Variants in SMYD1 observed in about 807,000 individuals in gnomAD.
SMYD1 encodes histone-lysine N-methyltransferase SMYD1.
A neutral mutation model predicts 54.0 loss-of-function variants in SMYD1; 49 were observed. The ratio of observed to expected loss-of-function variants is 0.91; its 90% CI spans 0.72 to 1.15. The LOEUF is 1.15. Among genes scored for constraint, SMYD1 ranks in the 50% most tolerant of loss-of-function variants. SMYD1 has a pLI of 0.00. For synonymous variants in SMYD1, 269 were observed against 234.2 expected (o/e 1.15, Z -1.36); for missense variants, 653 against 639.6 (o/e 1.02, Z -0.23).
In SMYD1 at chr2:88,110,488, A is replaced by G; in HGVS notation, c.1449A>G (p.Pro483=). The change falls in exon 10 of 10, where the codon CCA becomes CCG. Residue 483 remains proline, a synonymous_variant. Coordinates refer to ENST00000419482, the MANE Select transcript of SMYD1 (RefSeq NM_198274.4). Reference sequence around the variant, plus strand: ...CCGAGCCCAGCAATGAGCCATCCCCAGCTCTGTTCCACAAGAAGCAATGAG... The same window carrying G: ...CCGAGCCCAGCAATGAGCCATCCCCGGCTCTGTTCCACAAGAAGCAATGAG... ...VMAEPSNEPS[P]ALFHKKQ is the part of the protein sequence containing the mutation. 1 of 1,592,628 alleles carries G rather than the reference A, an allele frequency of 6.3e-7. No individual in the cohort carries two copies. Among genetic ancestry groups the G allele is most frequent in the Non-Finnish European group, 8.6e-7 (1 of 1,168,908 alleles).
At chr2:88,082,541 C>G (rs1482705307) in intron 1 of SMYD1, 1 of 154,396 alleles carries the variant, frequency 6.5e-6, no homozygotes, top group African/African-American at 2.4e-5. Flanking sequence ...AGGGATCAGG[C>G]TCAAGGGTCA....
At chr2:88,094,799 G>A (rs12614973) in intron 5 of SMYD1, among the ~76,000 whole-genome samples, 53,615 of 151,874 alleles carry the variant, frequency 0.35, 9,581 homozygotes, top group Middle Eastern at 0.46. Flanking sequence ...CACTATGGTG[G>A]GCTGCCTCTG....
chr2:88,084,495 G>T lies in SMYD1; in HGVS notation c.314+3G>T. On this transcript the variant is annotated splice_donor_region_variant and intron_variant, in intron 2 of 9. Coordinates refer to ENST00000419482, the MANE Select transcript of SMYD1 (RefSeq NM_198274.4). ...AAGGTGCCCAATGAGAACATCAGGT[G>T]AGAGCTGGGCACCCTGGTGGTGCTT... 1 of 1,575,546 alleles carries T rather than the reference G, an allele frequency of 6.3e-7. No homozygotes were observed. The highest frequency in any genetic ancestry group is 1.1e-5 in the South Asian group (1 of 88,966).
intron 1 of SMYD1, among the ~76,000 whole-genome samples, chr2:88,070,956 A>C (rs920284727): frequency 4.0e-5 from 6 of 151,630 alleles, no homozygotes; most frequent in South Asian, 4.1e-4. Flanking sequence ...AAAAAAAAAA[A>C]AAAAAAAAAA....
In SMYD1 at chr2:88,111,882, C is replaced by T. The variant is rs1675031984; in HGVS notation, c.*1370C>T. 1.7e-6 allele frequency: 1 copy of T among 589,684 alleles called. No individual in the cohort carries two copies. Among genetic ancestry groups the T allele is most frequent in the East Asian group, 2.9e-5 (1 of 35,074 alleles). 36.5% of individuals were successfully genotyped at this position (589,684 alleles called of 1,614,324 possible). A position where few individuals can be genotyped will look rare whatever the true frequency, so the allele number is the denominator to read the frequency against. ...TACACAACCCAGGACTACCATTGAC[C>T]TCAGAGCTGTACCCCACATCTTGAA... On this transcript the variant is annotated 3_prime_UTR_variant, in exon 10 of 10. Transcript: ENST00000419482.
At chr2:88,103,753 C>T (rs2104011730) in intron 7 of SMYD1, among the ~76,000 whole-genome samples, 1 of 152,212 alleles carries the variant, frequency 6.6e-6, no homozygotes, top group East Asian at 1.9e-4. Flanking sequence ...CAAACACTGG[C>T]CTGCGGGGTA....
At chr2:88,107,643 C>T (rs553400987) in intron 8 of SMYD1, among the ~76,000 whole-genome samples, 28 of 152,312 alleles carry the variant, frequency 1.8e-4, no homozygotes, top group Admixed American at 4.6e-4. Flanking sequence ...TCAGCAATGG[C>T]GGGCGCCCCT....
intron 1 of SMYD1, among the ~76,000 whole-genome samples, chr2:88,076,619 CAGAG>C (rs747525738): frequency 3.3e-4 from 50 of 152,104 alleles, no homozygotes; most frequent in Non-Finnish European, 6.2e-4. Context: ...GAAGGAAAGA[CAGAG>C]GGAAAGAAGA....
chr2:88,077,789 T>G (rs1053308382), intron 1 of SMYD1, among the ~76,000 whole-genome samples: 1 of 150,488 alleles, frequency 6.6e-6, no homozygotes, highest in Non-Finnish European at 1.5e-5. Context: ...CGTGGCGTGA[T>G]CTCGGCTCAC....
chr2:88,082,301 G>A (rs1674216450), intron 1 of SMYD1, among the ~76,000 whole-genome samples: 1 of 152,180 alleles, frequency 6.6e-6, no homozygotes, highest in Admixed American at 6.5e-5. Context: ...TTAGAAATAA[G>A]CACTAAACTT....
chr2:88,074,458 T>A (rs1674015392), intron 1 of SMYD1, among the ~76,000 whole-genome samples: 1 of 152,212 alleles, frequency 6.6e-6, no homozygotes, highest in Non-Finnish European at 1.5e-5. Context: ...ACTGTCCTTG[T>A]CTCAAGGTCT....
intron 9 of SMYD1, among the ~76,000 whole-genome samples, chr2:88,109,269 C>CGTGTGTGTGTGT (rs57720073): frequency 4.8e-4 from 73 of 151,572 alleles, no homozygotes; most frequent in South Asian, 6.3e-4. Flanking sequence ...TGCATGTGTG[C>CGTGTGTGTGTGT]GTGTGTGCAT....
intron 8 of SMYD1, among the ~76,000 whole-genome samples, 199 bp from the exon 9 acceptor site, chr2:88,108,172 C>T (rs1167784564): frequency 6.6e-6 from 1 of 152,228 alleles, no homozygotes; most frequent in Non-Finnish European, 1.5e-5. Flanking sequence ...TCAGCTGTCA[C>T]AGCCTCACTG....
Position 88,084,234 on chromosome 2 carries a change from A to G in SMYD1, c.138-82A>G, listed in dbSNP as rs1182462570. On this transcript the variant is annotated intron_variant, in intron 1 of 9. Coordinates refer to ENST00000419482, the MANE Select transcript of SMYD1 (RefSeq NM_198274.4). ...ATAAGGACCAGCCAGCTGAACCAGT[A>G]CTGGAACACAGGTGTCCCACTGGCT... The G allele has an allele frequency of 7.4e-6, 9 of 1,215,126 alleles. No individual in the cohort carries two copies. In the East Asian group the frequency reaches 1.2e-4, roughly 16 times the overall value. The allele number at this position is 1,215,126 out of a possible 1,614,324, so 75.3% of individuals were successfully genotyped here. A position where few individuals can be genotyped will look rare whatever the true frequency, so the allele number is the denominator to read the frequency against.
chr2:88,094,794 T>C (rs1334812884), intron 5 of SMYD1, among the ~76,000 whole-genome samples: 3 of 152,142 alleles, frequency 2.0e-5, no homozygotes, highest in Non-Finnish European at 2.9e-5. Context: ...TATGTCACTA[T>C]GGTGGGCTGC....
rs1478918144 is a variant in SMYD1 at position 88,110,789 on chromosome 2, G to A, written c.*277G>A. On this transcript the variant is annotated 3_prime_UTR_variant, in exon 10 of 10. Transcript: ENST00000419482. ...ATAAAGGAGCTCCAAATGTCGTTGG[G>A]TGGGGAAGCAAAATGTAGAGAAACA... 8.3e-6 allele frequency: 3 copies of A among 363,092 alleles called. No individual in the cohort carries two copies. The highest frequency in any genetic ancestry group is 4.8e-5 in the East Asian group (1 of 20,862). The allele number at this position is 363,092 out of a possible 1,614,324, so 22.5% of individuals were successfully genotyped here.
chr2:88,106,368 T>G lies in SMYD1; in HGVS notation c.1025T>G (p.Val342Gly), dbSNP rs1482308390. ...GAGTGCCTGGAGAAGCAGGAGCCAG[T>G]GTTTGCTGACACCAACATCTACATG... ...CRECLEKQEP[V>G]FADTNIYMLR... Residue 342 changes from valine to glycine, a missense_variant, in exon 8 of 10, where the codon GTG becomes GGG. Val to Gly is a moderately radical substitution (Grantham distance 109). Coordinates refer to ENST00000419482, the MANE Select transcript of SMYD1 (RefSeq NM_198274.4). 9 of 1,614,152 alleles carry G rather than the reference T, an allele frequency of 5.6e-6. No homozygotes were observed. The Middle Eastern group carries it at 6.6e-4, about 119-fold the overall frequency.
In SMYD1 at chr2:88,112,466, T is replaced by C. The variant is rs1675050352; in HGVS notation, c.*1954T>C. On this transcript the variant is annotated 3_prime_UTR_variant, in exon 10 of 10. Coordinates refer to ENST00000419482, the MANE Select transcript of SMYD1 (RefSeq NM_198274.4). ...TGACCCCCAGACTTTGCTCCATCTA[T>C]TATTGCTTCTCCATCCTGGATCCTT... 1 of 333,420 alleles carries C rather than the reference T, an allele frequency of 3.0e-6. No homozygotes were observed. Among genetic ancestry groups the C allele is most frequent in the Admixed American group, 4.3e-5 (1 of 23,384 alleles). 20.7% of individuals were successfully genotyped at this position (333,420 alleles called of 1,614,324 possible). A position where few individuals can be genotyped will look rare whatever the true frequency, so the allele number is the denominator to read the frequency against.
rs1005047272 is a variant in SMYD1, at chr2:88,078,051, G to T, written c.138-6265G>T. ...GGATGGGCATTTCTGTCAGGGGAGT[G>T]CCCTTGTCCCCATACGATGTTCTCC... On this transcript the variant is annotated intron_variant, in intron 1 of 9. Coordinates refer to ENST00000419482, the MANE Select transcript of SMYD1 (RefSeq NM_198274.4). 1.6e-4 allele frequency among the ~76,000 whole-genome samples: 25 copies of T among 152,290 alleles called. 1 individual carries two copies. The highest frequency in any genetic ancestry group is 6.0e-4 in the African/African-American group (25 of 41,576).
Sources: allele counts gnomAD v4.1 joint callset (sites outside exome capture counted in the v4.1 genomes callset), GRCh38; gene constraint gnomAD v4.1.1; transcripts MANE v1.5; gene names NCBI Gene and HGNC (gene_info 2026-07-23, HGNC 2026-07-21).